The following GLCE variants were observed in gnomAD, a reference collection of about 807,000 sequenced individuals.
The protein encoded by GLCE is D-glucuronyl C5-epimerase.
GLCE carries 19 observed loss-of-function variants against 47.9 expected under a neutral mutation model. The observed-to-expected ratio is 0.40, with a 90% CI of 0.28 to 0.58. The LOEUF is 0.58. GLCE is among the 20% of genes least tolerant of loss of function. GLCE has a pLI of 0.48. For missense variants in GLCE, 556 were observed against 743.3 expected (o/e 0.75, Z 2.93); for synonymous variants, 245 against 263.4 (o/e 0.93, Z 0.68).
chr15:69,248,879 A>G lies in GLCE; in HGVS notation c.-13-6915A>G, dbSNP rs367799032. ...CTTGGCCTCCCAAAGTGCTGGGATT[A>G]CAGGCATGAGCCAAGCTAGGTGCAT... On this transcript the variant is annotated intron_variant, in intron 2 of 4. Transcript: ENST00000261858. Among the ~76,000 whole-genome samples the G allele has an allele frequency of 2.0e-5, 3 of 152,200 alleles. No homozygotes were observed. The East Asian group carries it at 5.8e-4, about 29-fold the overall frequency.
intron 1 of GLCE, among the ~76,000 whole-genome samples, chr15:69,176,031 C>T (rs980403192): frequency 1.3e-5 from 2 of 151,988 alleles, no homozygotes; most frequent in Admixed American, 1.3e-4. Context: ...TTCACTTACT[C>T]ATTTTTAGAA....
chr15:69,195,284 C>T (rs993282131), intron 1 of GLCE, among the ~76,000 whole-genome samples: 27 of 151,936 alleles, frequency 1.8e-4, no homozygotes, highest in African/African-American at 6.5e-4. Context: ...ATCTTTGGGA[C>T]ACTGTGTAAA....
chr15:69,202,597 A>G (rs943231698), intron 1 of GLCE, among the ~76,000 whole-genome samples: 1 of 152,148 alleles, frequency 6.6e-6, no homozygotes, highest in Admixed American at 6.6e-5. Flanking sequence ...ATTCTGTATC[A>G]TGTAGTTTCC....
At chr15:69,216,437 A>G (rs899327027) in intron 2 of GLCE, among the ~76,000 whole-genome samples, 4 of 152,136 alleles carry the variant, frequency 2.6e-5, no homozygotes, top group Non-Finnish European at 5.9e-5. Context: ...CTTTATATAA[A>G]CATTTAAACT....
At chr15:69,193,138 T>A (rs1291734201) in intron 1 of GLCE, among the ~76,000 whole-genome samples, 1 of 151,946 alleles carries the variant, frequency 6.6e-6, no homozygotes, top group Non-Finnish European at 1.5e-5. Flanking sequence ...TATATGTCTT[T>A]TCAATTCAGC....
chr15:69,228,750 G>A (rs1401767257), intron 2 of GLCE, among the ~76,000 whole-genome samples: 9 of 152,000 alleles, frequency 5.9e-5, no homozygotes, highest in East Asian at 3.9e-4. Context: ...GGAGTGGCAC[G>A]ATCTCGGCTC....
intron 1 of GLCE, among the ~76,000 whole-genome samples, chr15:69,169,421 C>CT (rs143741704): frequency 0.039 from 5,856 of 152,024 alleles, 376 homozygotes; most frequent in African/African-American, 0.13. Context: ...TTTAATTATA[C>CT]TTTAAGTTCT....
intron 4 of GLCE, among the ~76,000 whole-genome samples, chr15:69,261,917 A>G (rs567451655): frequency 1.3e-5 from 2 of 152,330 alleles, no homozygotes; most frequent in African/African-American, 4.8e-5. Flanking sequence ...AGTCTCATTA[A>G]TTAGAATGTA....
intron 2 of GLCE, among the ~76,000 whole-genome samples, chr15:69,247,129 T>C (rs532083927): frequency 6.6e-6 from 1 of 152,350 alleles, no homozygotes; most frequent in East Asian, 1.9e-4. Flanking sequence ...AAGCCAGGCA[T>C]TGACTTCTCT....
At chr15:69,197,218 C>A in intron 1 of GLCE, 1 of 421,206 alleles carries the variant, frequency 2.4e-6, no homozygotes, top group South Asian at 1.8e-5. Context: ...CAAAGTTTTG[C>A]CTCATCCACC....
At chr15:69,193,673 G>C (rs555000952) in intron 1 of GLCE, among the ~76,000 whole-genome samples, 2 of 151,840 alleles carry the variant, frequency 1.3e-5, no homozygotes, top group Non-Finnish European at 2.9e-5. Flanking sequence ...GGCGCCTAAG[G>C]TACAAAATTT....
In GLCE at chr15:69,213,832, A is replaced by G. The variant is rs543300079; in HGVS notation, c.-14+3426A>G. On this transcript the variant is annotated intron_variant, in intron 2 of 4. Transcript: ENST00000261858. ...ATCAATTATAATTCTTCTGTAATAC[A>G]GAGTAGTCCCTGCTCACATTTATTT... 1.8e-4 allele frequency among the ~76,000 whole-genome samples: 28 copies of G among 152,202 alleles called. 1 individual carries two copies. The South Asian group carries it at 5.6e-3, about 30-fold the overall frequency.
intron 1 of GLCE, among the ~76,000 whole-genome samples, chr15:69,169,188 G>A (rs2051548493): frequency 6.6e-6 from 1 of 152,006 alleles, no homozygotes; most frequent in African/African-American, 2.4e-5. Flanking sequence ...CTTTTTCATT[G>A]CTCTGTATTA....
At chr15:69,168,733 T>C (rs2140326489) in intron 1 of GLCE, among the ~76,000 whole-genome samples, 1 of 152,262 alleles carries the variant, frequency 6.6e-6, no homozygotes, top group East Asian at 1.9e-4. Flanking sequence ...GATTTCTCCA[T>C]GTTGGTCAGG....
intron 2 of GLCE, among the ~76,000 whole-genome samples, chr15:69,249,044 AACTG>A (rs1428466912): frequency 6.6e-6 from 1 of 152,222 alleles, no homozygotes; most frequent in African/African-American, 2.4e-5. Flanking sequence ...AGAAAAATAA[AACTG>A]AGTAAGGACC....
At chr15:69,202,448 T>C (rs1245749973) in intron 1 of GLCE, among the ~76,000 whole-genome samples, 3 of 152,164 alleles carry the variant, frequency 2.0e-5, no homozygotes, top group Non-Finnish European at 2.9e-5. Context: ...CTTCCTCATA[T>C]ACAATTCTCT....
At chr15:69,165,684 C>G (rs976082547) in intron 1 of GLCE, among the ~76,000 whole-genome samples, 1 of 152,034 alleles carries the variant, frequency 6.6e-6, no homozygotes, top group African/African-American at 2.4e-5. Context: ...AATTAAGTCT[C>G]TCTTTCCTCC....
intron 1 of GLCE, among the ~76,000 whole-genome samples, chr15:69,208,192 T>A (rs1310651641): frequency 3.3e-5 from 5 of 152,070 alleles, no homozygotes; most frequent in Admixed American, 3.3e-4. Flanking sequence ...ATGTTTTTGA[T>A]GTCATATCTC....
Position 69,269,231 on chromosome 15 carries a change from C to T in GLCE, c.1841C>T (p.Ala614Val). 1 of 1,613,588 alleles carries T rather than the reference C, an allele frequency of 6.2e-7. No individual in the cohort carries two copies. The highest frequency in any genetic ancestry group is 8.5e-7 in the Non-Finnish European group (1 of 1,179,668). ...AAAAGCTACCTTAAAGGCAGCAGGGCAAAGCACAACTAGAGCTCACAACCA... is the reference window on the plus strand; with the variant it reads ...AAAAGCTACCTTAAAGGCAGCAGGGTAAAGCACAACTAGAGCTCACAACCA... ...RWKSYLKGSRAKHN is the reference protein window; with the variant it reads ...RWKSYLKGSRVKHN The change falls in exon 5 of 5, where the codon GCA becomes GTA. Residue 614 changes from alanine (A) to valine (V), a missense_variant. This residue lies in a region of GLCE where 245 missense variants were observed against 368.1 expected (regional missense o/e 0.67). Coordinates refer to ENST00000261858, the MANE Select transcript of GLCE (RefSeq NM_015554.3).
Sources: gnomAD v4.1 joint callset for allele counts (sites outside exome capture counted in the v4.1 genomes callset) on GRCh38, gnomAD v4.1.1 for gene constraint, gnomAD v4.1.1 regional missense constraint, MANE v1.5 for transcripts, NCBI Gene and HGNC (gene_info 2026-07-23, HGNC 2026-07-21) for gene names.